Variants in CCDC14 observed in about 807,000 individuals in gnomAD.
CCDC14 encodes the protein coiled-coil domain-containing protein 14.
In CCDC14, 71 loss-of-function variants were observed where a neutral mutation model predicts 81.4. That is an observed-to-expected ratio of 0.87 (90% CI 0.72 to 1.06). The LOEUF (loss-of-function observed/expected upper bound fraction) is 1.06. CCDC14 is among the 50% of genes least tolerant of loss of function. The pLI is 0.00. For missense variants in CCDC14, 1,046 were observed against 1,047.3 expected (o/e 1.00, Z 0.02); for synonymous variants, 332 against 364.8 (o/e 0.91, Z 1.03).
chr3:123,940,404 T>G (rs1420713249), intron 9 of CCDC14, among the ~76,000 whole-genome samples: 1 of 152,012 alleles, frequency 6.6e-6, no homozygotes, highest in African/African-American at 2.4e-5. Context: ...TTAATTTCCT[T>G]GAGACTATGG....
chr3:123,887,458 TG>T, the CCDC14 span, among the ~76,000 whole-genome samples: 1 of 138,040 alleles, frequency 7.2e-6, no homozygotes, highest in African/African-American at 2.8e-5. Flanking sequence ...TTGGTCCAGC[TG>T]GGTTGCTATA....
At chr3:123,933,615 T>C in intron 10 of CCDC14, 58 bp downstream of exon 10, 1 of 1,197,818 alleles carries the variant, frequency 8.3e-7, no homozygotes, top group Middle Eastern at 1.9e-4. Flanking sequence ...GCTCAATTCT[T>C]TATCAACATT....
downstream of CCDC14, among the ~76,000 whole-genome samples, chr3:123,893,350 G>A (rs2034015993): frequency 6.6e-6 from 1 of 151,988 alleles, no homozygotes; most frequent in Admixed American, 6.6e-5. Flanking sequence ...TTTTGTGTCT[G>A]TCTTATTTCA....
At chr3:123,931,074 T>A (rs755220864) in intron 12 of CCDC14, 28 bp downstream of exon 12, 2 of 1,534,216 alleles carry the variant, frequency 1.3e-6, no homozygotes, top group Non-Finnish European at 1.7e-6. Flanking sequence ...AAAAAAGGCA[T>A]GAGTTATTCA....
chr3:123,888,436 T>G, the CCDC14 span, among the ~76,000 whole-genome samples: 2 of 152,218 alleles, frequency 1.3e-5, no homozygotes, highest in East Asian at 3.8e-4. Flanking sequence ...GTGGCTGGAC[T>G]TCTAAGATTT....
At chr3:123,949,160 G>A in intron 5 of CCDC14, 28 bp from the exon 6 acceptor site, 9 of 1,404,048 alleles carry the variant, frequency 6.4e-6, no homozygotes, top group Non-Finnish European at 6.9e-6. Flanking sequence ...AAAAGTTCTT[G>A]AAATATGATT....
chr3:123,950,440 C>G (rs1047094333), intron 5 of CCDC14, among the ~76,000 whole-genome samples: 5 of 152,160 alleles, frequency 3.3e-5, no homozygotes, highest in Admixed American at 3.3e-4. Context: ...GGCTGGAATA[C>G]TATACAGCAT....
intron 12 of CCDC14, among the ~76,000 whole-genome samples, chr3:123,928,183 G>A (rs1293064008): frequency 2.0e-5 from 3 of 151,804 alleles, no homozygotes; most frequent in African/African-American, 7.3e-5. Flanking sequence ...TTGTCAACAT[G>A]TGCAATGCAT....
At chr3:123,909,933 TA>T (rs1245260496), downstream of CCDC14, among the ~76,000 whole-genome samples, 1 of 152,184 alleles carries the variant, frequency 6.6e-6, no homozygotes, top group African/African-American at 2.4e-5. Context: ...CTTAAGCAAG[TA>T]TCTTTAAATA....
chr3:123,903,994 C>A (rs2034244312), intron 5 of CCDC14, among the ~76,000 whole-genome samples: 1 of 152,108 alleles, frequency 6.6e-6, no homozygotes, highest in African/African-American at 2.4e-5. Flanking sequence ...TTCGGCACCT[C>A]CAGTTATTTT....
Position 123,946,923 on chromosome 3 carries a change from C to A in CCDC14, c.1081G>T (p.Val361Leu), listed in dbSNP as rs545222646. ...TCCTTCACTGTTTTTGTATCTCGCA[C>A]ATGTATGTTTAAATCCTTTCTTTCA... ...TSERKDLNIHVRDTKTVKDVQ... is the reference protein window; with the variant it reads ...TSERKDLNIHLRDTKTVKDVQ... The change falls in exon 8 of 13, where the codon GTG (valine) becomes TTG (leucine). Residue 361 changes from valine (V) to leucine (L), a missense_variant. Coordinates refer to ENST00000409697, the MANE Select transcript of CCDC14 (RefSeq NM_001366335.1). 6.2e-7 allele frequency: 1 copy of A among 1,613,928 alleles called. No individual in the cohort carries two copies. The highest frequency in any genetic ancestry group is 8.5e-7 in the Non-Finnish European group (1 of 1,179,882).
At chr3:123,902,150 G>A (rs750970224) in intron 5 of CCDC14, among the ~76,000 whole-genome samples, 2 of 152,116 alleles carry the variant, frequency 1.3e-5, no homozygotes, top group African/African-American at 2.4e-5. Context: ...GGATGCTAAG[G>A]AACCATTTCA....
At position 123,915,682 on chromosome 3, in the gene CCDC14, A is replaced by C; in HGVS notation, c.1815T>G (p.Asp605Glu). The change falls in exon 13 of 13, where the codon GAT becomes GAG. Residue 605 changes from aspartate (D) to glutamate (E), a missense_variant. By Grantham distance (45) the Asp-to-Glu change is conservative. Coordinates refer to ENST00000409697, the MANE Select transcript of CCDC14 (RefSeq NM_001366335.1). ...TGCAGCGAGCACTGTCCACACTAAGATCGGAGAGAAGCTTTGCCATGCTAG... is the reference window on the plus strand; with the variant it reads ...TGCAGCGAGCACTGTCCACACTAAGCTCGGAGAGAAGCTTTGCCATGCTAG... ...LQTSMAKLLS[D>E]LSVDSARCKP... 6.2e-7 allele frequency: 1 copy of C among 1,613,244 alleles called. No individual in the cohort carries two copies. The highest frequency in any genetic ancestry group is 8.5e-7 in the Non-Finnish European group (1 of 1,179,620).
chr3:123,897,516 C>A lies in CCDC14; in HGVS notation c.766G>T (p.Glu256Ter). 1.4e-6 allele frequency: 1 copy of A among 713,262 alleles called. No individual in the cohort carries two copies. Among genetic ancestry groups the A allele is most frequent in the Non-Finnish European group, 2.0e-6 (1 of 504,292 alleles). 44.2% of individuals were successfully genotyped at this position (713,262 alleles called of 1,614,324 possible). A position where few individuals can be genotyped will look rare whatever the true frequency, so the allele number is the denominator to read the frequency against. The change falls in exon 6 of 6, where the codon GAA (glutamate) becomes TAA (stop). Residue 256 changes from glutamate to a stop codon, truncating the protein, a stop_gained. Coordinates refer to the CCDC14 transcript ENST00000479903. LOFTEE classifies it high-confidence loss of function. Reference sequence around the variant, plus strand: ...CCAGGACTCAGATCTCCCACCTCTTCCTTGTTCAGAGCAGTTCTGCTTTTC... The same window carrying A: ...CCAGGACTCAGATCTCCCACCTCTTACTTGTTCAGAGCAGTTCTGCTTTTC...
chr3:123,905,782 T>A lies in CCDC14; in HGVS notation c.668-8169A>T, dbSNP rs979607404. ...GGTAATGTAAGCTCACAGGGGAAAA[T>A]AATGATATAAACTACGTGCACAGGC... is the stretch of plus-strand genomic sequence containing the variant. On this transcript the variant is annotated intron_variant, in intron 5 of 5. Coordinates refer to the CCDC14 transcript ENST00000479903. 5.9e-5 allele frequency among the ~76,000 whole-genome samples: 9 copies of A among 152,170 alleles called. No homozygotes were observed. The East Asian group carries it at 1.7e-3, about 29-fold the overall frequency.
chr3:123,898,522 C>T (rs1179819602), intron 5 of CCDC14, among the ~76,000 whole-genome samples: 3 of 152,078 alleles, frequency 2.0e-5, no homozygotes, highest in Admixed American at 6.5e-5. Flanking sequence ...TGGTCCCAGC[C>T]AAGGCAGACA....
At chr3:123,928,158 A>G (rs1374408589) in intron 12 of CCDC14, among the ~76,000 whole-genome samples, 5 of 152,046 alleles carry the variant, frequency 3.3e-5, no homozygotes, top group Non-Finnish European at 5.9e-5. Flanking sequence ...AATGCATTGC[A>G]TATGTTGAAT....
intron 9 of CCDC14, among the ~76,000 whole-genome samples, chr3:123,942,199 T>C (rs954194686): frequency 6.6e-6 from 1 of 152,056 alleles, no homozygotes; most frequent in Non-Finnish European, 1.5e-5. Flanking sequence ...GCAAGTTACA[T>C]AAACTCTTTG....
At chr3:123,889,941 C>T in the CCDC14 span, among the ~76,000 whole-genome samples, 9 of 152,168 alleles carry the variant, frequency 5.9e-5, no homozygotes, top group African/African-American at 1.4e-4. Flanking sequence ...TAAAGATATA[C>T]GTGAGACTGG....
Sources: allele counts gnomAD v4.1 joint callset (sites outside exome capture counted in the v4.1 genomes callset), GRCh38; gene constraint gnomAD v4.1.1; transcripts MANE v1.5; gene names NCBI Gene and HGNC (gene_info 2026-07-23, HGNC 2026-07-21).